CIMIP6: variants seen among roughly 807,000 people sequenced by gnomAD.
CIMIP6 encodes the protein ciliary microtubule inner protein 6, also known as uncharacterized protein C2orf73.
chr2:54,373,496 G>A, the CIMIP6 span, among the ~76,000 whole-genome samples: 3 of 152,086 alleles, frequency 2.0e-5, no homozygotes, highest in Non-Finnish European at 1.5e-5. Flanking sequence ...AACACTTCCT[G>A]TCTCTATACT....
At chr2:54,372,776 G>A in the CIMIP6 span, among the ~76,000 whole-genome samples, 1 of 152,190 alleles carries the variant, frequency 6.6e-6, no homozygotes, top group South Asian at 2.1e-4. Context: ...GATTAAGGAG[G>A]AGGGACAAGT....
the CIMIP6 span, among the ~76,000 whole-genome samples, chr2:54,341,032 C>T: frequency 6.6e-6 from 1 of 151,956 alleles, no homozygotes; most frequent in East Asian, 1.9e-4. Flanking sequence ...TTCGCTTATC[C>T]CAGAGCCATT....
chr2:54,365,756 A>C, the CIMIP6 span, among the ~76,000 whole-genome samples: 1 of 152,218 alleles, frequency 6.6e-6, no homozygotes, highest in Non-Finnish European at 1.5e-5. Context: ...AAAGACCAGA[A>C]CACCATAAAA....
chr2:54,380,796 C>T, the CIMIP6 span, among the ~76,000 whole-genome samples: 1 of 152,198 alleles, frequency 6.6e-6, no homozygotes, highest in Non-Finnish European at 1.5e-5. Context: ...CCTTACCAAG[C>T]ATTCTGTACA....
chr2:54,344,614 C>T, the CIMIP6 span, among the ~76,000 whole-genome samples: 1 of 152,120 alleles, frequency 6.6e-6, no homozygotes. Context: ...AGGCTCCAGT[C>T]ATGAGCACTC....
chr2:54,357,326 CA>C, the CIMIP6 span, among the ~76,000 whole-genome samples: 2 of 152,126 alleles, frequency 1.3e-5, no homozygotes, highest in Admixed American at 1.3e-4. Flanking sequence ...AATTTACTAA[CA>C]TTTTTTCTTA....
At chr2:54,383,456 G>T in the CIMIP6 span, 2 of 152,188 alleles carry the variant, frequency 1.3e-5, no homozygotes, top group Admixed American at 1.3e-4. Flanking sequence ...TTGTGTTGAA[G>T]TGAATGAAGC....
chr2:54,359,386 CTCAA>C, the CIMIP6 span, among the ~76,000 whole-genome samples: 7 of 152,166 alleles, frequency 4.6e-5, no homozygotes, highest in East Asian at 1.2e-3. Flanking sequence ...GAAACCTCAT[CTCAA>C]TCAATCAATC....
chr2:54,382,993 T>C, the CIMIP6 span: 3 of 152,258 alleles, frequency 2.0e-5, no homozygotes, highest in Non-Finnish European at 4.4e-5. Context: ...TTCCGCTTTA[T>C]GTGTTCTCTC....
At chr2:54,369,774 C>T in the CIMIP6 span, among the ~76,000 whole-genome samples, 1 of 152,154 alleles carries the variant, frequency 6.6e-6, no homozygotes, top group Admixed American at 6.5e-5. Context: ...CCAATCACAC[C>T]AAAGTTGCTA....
chr2:54,345,660 C>A, the CIMIP6 span, among the ~76,000 whole-genome samples: 3 of 152,066 alleles, frequency 2.0e-5, no homozygotes, highest in South Asian at 2.1e-4. Context: ...GCATTTGCAC[C>A]CAGCTAGCCT....
At chr2:54,337,337 T>A in the CIMIP6 span, among the ~76,000 whole-genome samples, 1 of 152,198 alleles carries the variant, frequency 6.6e-6, no homozygotes, top group Non-Finnish European at 1.5e-5. Flanking sequence ...TAAACCCCTT[T>A]AAGGGCCATA....
chr2:54,365,974 G>T, the CIMIP6 span, among the ~76,000 whole-genome samples: 1 of 152,156 alleles, frequency 6.6e-6, no homozygotes. Context: ...AAGAGTTCCA[G>T]AAGGATATTA....
the CIMIP6 span, among the ~76,000 whole-genome samples, chr2:54,376,914 C>T: frequency 6.6e-6 from 1 of 152,234 alleles, no homozygotes; most frequent in African/African-American, 2.4e-5. Flanking sequence ...AAGGCACTAC[C>T]TTCCAGGATC....
the CIMIP6 span, among the ~76,000 whole-genome samples, chr2:54,331,308 G>A: frequency 6.6e-6 from 1 of 152,014 alleles, no homozygotes; most frequent in East Asian, 1.9e-4. Context: ...ATCTACCACT[G>A]CTCATCACTT....
the CIMIP6 span, among the ~76,000 whole-genome samples, chr2:54,344,192 G>A: frequency 6.6e-6 from 1 of 152,178 alleles, no homozygotes; most frequent in African/African-American, 2.4e-5. Flanking sequence ...GTCACTTCAA[G>A]GAAGGTAGCT....
the CIMIP6 span, among the ~76,000 whole-genome samples, chr2:54,358,292 A>G: frequency 6.6e-6 from 1 of 152,266 alleles, no homozygotes; most frequent in East Asian, 1.9e-4. Flanking sequence ...GCCAAACTAT[A>G]GATTCAACAT....
At chr2:54,359,167 T>C in the CIMIP6 span, 1 of 764,738 alleles carries the variant, frequency 1.3e-6, no homozygotes, top group Non-Finnish European at 2.1e-6. Context: ...TTTCTGTCTA[T>C]TTAAACAAAC....
chr2:54,368,442 T>C, the CIMIP6 span, among the ~76,000 whole-genome samples: 1 of 152,250 alleles, frequency 6.6e-6, no homozygotes, highest in Non-Finnish European at 1.5e-5. Flanking sequence ...GGTTTCAATA[T>C]GAGATTTCCA....
Sources: allele counts gnomAD v4.1 joint callset (sites outside exome capture counted in the v4.1 genomes callset), GRCh38; gene constraint gnomAD v4.1.1; transcripts MANE v1.5; gene names NCBI Gene and HGNC (gene_info 2026-07-23, HGNC 2026-07-21).